The following SPAG9 variants were observed in gnomAD, a reference collection of about 807,000 sequenced individuals.
SPAG9 encodes the protein C-Jun-amino-terminal kinase-interacting protein 4.
A neutral mutation model predicts 166.5 loss-of-function variants in SPAG9; 35 were observed. That is an observed-to-expected ratio of 0.21 (90% confidence interval 0.16 to 0.28). The LOEUF is 0.28. SPAG9 is among the 10% of genes least tolerant of loss of function. The pLI, the probability that SPAG9 is intolerant of heterozygous loss-of-function variation, is 1.00. For synonymous variants in SPAG9, 534 were observed against 565.5 expected (o/e 0.94, Z 0.79); for missense variants, 1,235 against 1,603.3 (o/e 0.77, Z 3.92).
chr17:51,114,313 CAAGACT>C (rs2049216986), intron 1 of SPAG9, among the ~76,000 whole-genome samples: 1 of 151,788 alleles, frequency 6.6e-6, no homozygotes, highest in African/African-American at 2.4e-5. Flanking sequence ...GGCGACAGCA[CAAGACT>C]CTGTCTCAAA....
chr17:50,989,325 GATAAGCC>G lies in SPAG9; in HGVS notation c.2813+345_2813+351del, dbSNP rs544841738. Among the ~76,000 whole-genome samples, 100 of 152,282 alleles carry G rather than the reference GATAAGCC, an allele frequency of 6.6e-4. 1 individual carries two copies. In the Middle Eastern group the frequency reaches 0.01, roughly 16 times the overall value. The stretch of plus-strand genomic sequence containing the variant: ...GCTATACCATATGGCCTAGGTGTGT[GATAAGCC>G]ATACCATCTAGATTTGTGTAAATGC... On this transcript the variant is annotated intron_variant, in intron 21 of 29. Coordinates refer to ENST00000262013, the MANE Select transcript of SPAG9 (RefSeq NM_001130528.3).
chr17:50,989,730 T>C lies in SPAG9; in HGVS notation c.2760A>G (p.Thr920=), dbSNP rs746739599. Residue 920 remains threonine, a synonymous_variant, in exon 21 of 30, where the codon ACA becomes ACG. Coordinates refer to ENST00000262013, the MANE Select transcript of SPAG9 (RefSeq NM_001130528.3). ...QTGVYTEHVF[T]DPLGVQIPED... is the part of the protein sequence containing the mutation. ...CTGGGATCTGAACTCCCAAAGGATC[T>C]GTAAAGACATGCTCTGTGTAGACGC... 4 of 1,614,096 alleles carry C rather than the reference T, an allele frequency of 2.5e-6. No homozygotes were observed. The highest frequency in any genetic ancestry group is 3.4e-6 in the Non-Finnish European group (4 of 1,180,048).
At chr17:51,079,824 T>C in intron 1 of SPAG9, 120 bp from the exon 2 acceptor site, 1 of 616,736 alleles carries the variant, frequency 1.6e-6, no homozygotes, top group Non-Finnish European at 2.7e-6. Context: ...CTCAGAATTA[T>C]GACCTTGGGT....
intron 5 of SPAG9, chr17:51,031,939 A>T (rs1226002492): frequency 3.0e-6 from 2 of 663,004 alleles, no homozygotes; most frequent in Non-Finnish European, 5.5e-6. Flanking sequence ...CACCACTTGG[A>T]TCAGTGTCTT....
Position 51,019,839 on chromosome 17 carries a change from C to T in SPAG9, c.1091+320G>A, listed in dbSNP as rs888268125. ...TGCACTCCAGCCTGGGCAACAAGAG[C>T]GAAACTCTGTCTCAAAAAAATAAAC... On this transcript the variant is annotated intron_variant, in intron 8 of 29. Coordinates refer to ENST00000262013, the MANE Select transcript of SPAG9 (RefSeq NM_001130528.3). 7.2e-5 allele frequency among the ~76,000 whole-genome samples: 11 copies of T among 152,066 alleles called. 1 individual carries two copies. In the South Asian group the frequency reaches 8.3e-4, roughly 11 times the overall value.
At chr17:51,049,031 C>A (rs1004846119) in intron 3 of SPAG9, among the ~76,000 whole-genome samples, 9 of 152,106 alleles carry the variant, frequency 5.9e-5, no homozygotes, top group African/African-American at 2.2e-4. Flanking sequence ...ACTAATATAA[C>A]AAAGTGACTG....
At chr17:50,972,648 G>A (rs1973911962) in intron 28 of SPAG9, among the ~76,000 whole-genome samples, 1 of 152,200 alleles carries the variant, frequency 6.6e-6, no homozygotes, top group South Asian at 2.1e-4. Context: ...GCGCCTCCAG[G>A]AGCTAGCTGG....
At chr17:51,049,353 T>A (rs2047117967) in intron 3 of SPAG9, among the ~76,000 whole-genome samples, 2 of 150,438 alleles carry the variant, frequency 1.3e-5, no homozygotes, top group African/African-American at 2.4e-5. Flanking sequence ...GGCAACAGAA[T>A]GAGACCCCTC....
rs779318578 is a variant in SPAG9 at position 50,990,501 on chromosome 17, C to A, written c.2566G>T (p.Ala856Ser). The change falls in exon 20 of 30, where the codon GCC (alanine) becomes TCC (serine). Residue 856 changes from alanine (A) to serine (S), a missense_variant. By Grantham distance (99) the Ala-to-Ser change is moderately conservative (BLOSUM62 1). Around this residue, in one of 6 missense-constraint regions of SPAG9, gnomAD observed 493 missense variants for 559.4 expected, o/e 0.88. Coordinates refer to ENST00000262013, the MANE Select transcript of SPAG9 (RefSeq NM_001130528.3). ...GCACCATTTGTACTAGGGGAAGTGG[C>A]AGCTCCCGTCACACCTTCTGCAGAA... is the stretch of plus-strand genomic sequence containing the variant. ...GCSAEGVTGA[A>S]TSPSTNGASP... 1.2e-6 allele frequency: 2 copies of A among 1,614,190 alleles called. No individual in the cohort carries two copies. The highest frequency in any genetic ancestry group is 1.7e-6 in the Non-Finnish European group (2 of 1,180,022).
At chr17:50,993,652 A>G in intron 19 of SPAG9, 112 bp downstream of exon 19, 1 of 996,686 alleles carries the variant, frequency 1.0e-6, no homozygotes, top group Non-Finnish European at 1.5e-6. Flanking sequence ...CCCTAACTAG[A>G]ACATAAGCTT....
chr17:50,980,364 C>T (rs1196584819), intron 25 of SPAG9, among the ~76,000 whole-genome samples: 4 of 151,880 alleles, frequency 2.6e-5, no homozygotes, highest in Non-Finnish European at 5.9e-5. Flanking sequence ...ACCACCATGC[C>T]GGACTAATTT....
intron 9 of SPAG9, among the ~76,000 whole-genome samples, chr17:51,012,305 C>T (rs2144082511): frequency 6.6e-6 from 1 of 152,206 alleles, no homozygotes; most frequent in East Asian, 1.9e-4. Context: ...GACATGGTGG[C>T]TCATGCCTGT....
intron 2 of SPAG9, among the ~76,000 whole-genome samples, chr17:51,074,794 G>A (rs920478186): frequency 6.6e-6 from 1 of 151,878 alleles, no homozygotes; most frequent in East Asian, 1.9e-4. Flanking sequence ...CACAGAATAT[G>A]ACAATTCCAA....
intron 2 of SPAG9, among the ~76,000 whole-genome samples, 159 bp downstream of exon 2, chr17:51,079,425 G>A (rs1279929365): frequency 6.6e-6 from 1 of 152,108 alleles, no homozygotes; most frequent in Non-Finnish European, 1.5e-5. Flanking sequence ...TTTTAGTAGA[G>A]ACGAGGTTTC....
chr17:51,057,411 G>A (rs2047391197), intron 2 of SPAG9, among the ~76,000 whole-genome samples: 1 of 152,158 alleles, frequency 6.6e-6, no homozygotes, highest in Non-Finnish European at 1.5e-5. Context: ...TGGGTTTAAG[G>A]GTCAGCTGGC....
chr17:51,023,155 C>T (rs1242130116), intron 6 of SPAG9, among the ~76,000 whole-genome samples: 2 of 147,844 alleles, frequency 1.4e-5, no homozygotes, highest in African/African-American at 2.5e-5. Flanking sequence ...TTCACACATA[C>T]TAAGAATTTA....
At chr17:51,052,922 G>T (rs953231827) in intron 3 of SPAG9, among the ~76,000 whole-genome samples, 1 of 151,922 alleles carries the variant, frequency 6.6e-6, no homozygotes, top group Non-Finnish European at 1.5e-5. Context: ...AGCCGAGCGT[G>T]GTGGTGCACT....
intron 25 of SPAG9, among the ~76,000 whole-genome samples, chr17:50,982,145 T>C (rs1974704934): frequency 6.6e-6 from 1 of 152,212 alleles, no homozygotes; most frequent in Admixed American, 6.5e-5. Flanking sequence ...GACACACATG[T>C]GGATGTGCCT....
At chr17:51,059,407 AG>A (rs2047443450) in intron 2 of SPAG9, among the ~76,000 whole-genome samples, 1 of 152,066 alleles carries the variant, frequency 6.6e-6, no homozygotes. Flanking sequence ...ATAACAAACA[AG>A]CTTTATTGCT....
Sources: gnomAD v4.1 joint callset for allele counts (sites outside exome capture counted in the v4.1 genomes callset) on GRCh38, gnomAD v4.1.1 for gene constraint, gnomAD v4.1.1 regional missense constraint, MANE v1.5 for transcripts, NCBI Gene and HGNC (gene_info 2026-07-23, HGNC 2026-07-21) for gene names.